Variants in THUMPD2 observed in about 807,000 individuals in gnomAD.
THUMPD2 encodes the protein THUMP domain 2 tRNA and snRNA guanosine methyltransferase, also known as U6 snRNA (guanine-N(2))-methyltransferase THUMPD2.
Under a neutral mutation model 49.4 loss-of-function variants are expected in THUMPD2, and 56 were observed. That is an observed-to-expected ratio of 1.13 (90% CI 0.91 to 1.41). THUMPD2 has a LOEUF of 1.41. THUMPD2 is among the 40% of genes most tolerant of loss of function. The pLI, the probability that THUMPD2 is intolerant of heterozygous loss-of-function variation, is 0.00. For synonymous variants in THUMPD2, 237 were observed against 205.2 expected, an observed-to-expected ratio of 1.15 and a Z score of -1.32; for missense variants, 709 against 594.5, an observed-to-expected ratio of 1.19 and a Z score of -2.00.
In THUMPD2 at chr2:39,755,880, A is replaced by T. The variant is rs770615335; in HGVS notation, c.963+9T>A. On this transcript the variant is annotated intron_variant, in intron 7 of 9. Coordinates refer to ENST00000505747, the MANE Select transcript of THUMPD2 (RefSeq NM_025264.5). Reference sequence around the variant, plus strand: ...TAAATTGCTTGCTTTACCAAACTTTAGAACTTACTGGCCATTCTTTAGCAG... The same window carrying T: ...TAAATTGCTTGCTTTACCAAACTTTTGAACTTACTGGCCATTCTTTAGCAG... 3 of 1,613,376 alleles carry T rather than the reference A, an allele frequency of 1.9e-6. No individual in the cohort carries two copies. The African/African-American group carries it at 4.0e-5, about 22-fold the overall frequency.
Position 39,755,956 on chromosome 2 carries a change from CCAG to C in THUMPD2, c.893_895del (p.Ala298del). On this transcript the variant is annotated inframe_deletion and splice_region_variant, in exon 7 of 10. Transcript: ENST00000505747. ...ACACATTGGATCTAAAACAAATGCACCAGCCTGCAGACAGAAATATTAATTTGG... is the reference window on the plus strand; with the variant it reads ...ACACATTGGATCTAAAACAAATGCACCCTGCAGACAGAAATATTAATTTGG... The C allele has an allele frequency of 6.2e-7, 1 of 1,613,622 alleles. No individual in the cohort carries two copies. Among genetic ancestry groups the C allele is most frequent in the African/African-American group, 1.3e-5 (1 of 75,008 alleles).
Position 39,736,821 on chromosome 2 carries a change from C to A in THUMPD2, c.1426G>T (p.Val476Leu), listed in dbSNP as rs1673140853. ...CTAACTTTGTAGCATTCCACTGGTA[C>A]CAAGGAGCCAAATGGTGACATTCTG... ...LDRMSPFGSL[V>L]PVECYKVSLG... Residue 476 changes from valine to leucine, a missense_variant, in exon 10 of 10, where the codon GTA becomes TTA. Coordinates refer to ENST00000505747, the MANE Select transcript of THUMPD2 (RefSeq NM_025264.5). 1 of 1,614,168 alleles carries A rather than the reference C, an allele frequency of 6.2e-7. No individual in the cohort carries two copies.
Position 39,769,819 on chromosome 2 carries a change from T to A in THUMPD2, c.563A>T (p.Glu188Val), listed in dbSNP as rs764475974. 5.6e-6 allele frequency: 9 copies of A among 1,598,274 alleles called. No homozygotes were observed. Among genetic ancestry groups the A allele is most frequent in the African/African-American group, 1.6e-5 (1 of 62,774 alleles). Residue 188 changes from glutamate (E) to valine (V), a missense_variant, in exon 3 of 10, where the codon GAA (glutamate) becomes GTA (valine). Coordinates refer to ENST00000505747, the MANE Select transcript of THUMPD2 (RefSeq NM_025264.5). ...TGCTTTCTCTATGTCATTCTGAAATTCTTCTTCTTGAAACTTTTCGCTTTT... is the reference window on the plus strand; with the variant it reads ...TGCTTTCTCTATGTCATTCTGAAATACTTCTTCTTGAAACTTTTCGCTTTT... ...TTKSEKFQEE[E>V]FQNDIEKAID...
intron 3 of THUMPD2, chr2:39,768,858 C>A: frequency 8.0e-7 from 1 of 1,250,546 alleles, no homozygotes; most frequent in South Asian, 1.3e-5. Flanking sequence ...CTACTATAAG[C>A]CTATGTGTTT....
chr2:39,746,100 T>A (rs983298671), intron 8 of THUMPD2, among the ~76,000 whole-genome samples: 4 of 152,228 alleles, frequency 2.6e-5, no homozygotes, highest in Admixed American at 2.6e-4. Context: ...CAGTAACCGT[T>A]AGCTGCTTTG....
intron 9 of THUMPD2, among the ~76,000 whole-genome samples, chr2:39,740,278 T>C (rs1432541357): frequency 1.3e-5 from 2 of 152,234 alleles, no homozygotes; most frequent in Admixed American, 6.5e-5. Context: ...ACTGGTTGCA[T>C]AATGGTACAT....
At chr2:39,760,060 T>A (rs1268978888) in intron 6 of THUMPD2, among the ~76,000 whole-genome samples, 1 of 152,214 alleles carries the variant, frequency 6.6e-6, no homozygotes, top group Non-Finnish European at 1.5e-5. Flanking sequence ...GAATTCTATC[T>A]AATGACTAAG....
At chr2:39,761,236 A>G in intron 6 of THUMPD2, 95 bp downstream of exon 6, 1 of 1,120,118 alleles carries the variant, frequency 8.9e-7, no homozygotes, top group Non-Finnish European at 1.3e-6. Context: ...AAGAAAAGAA[A>G]AAGCAAGTAA....
chr2:39,737,140 T>A, intron 9 of THUMPD2, 81 bp from the exon 10 acceptor site: 1 of 1,300,300 alleles, frequency 7.7e-7, no homozygotes, highest in Non-Finnish European at 1.0e-6. Flanking sequence ...AAATGGTTCA[T>A]GTTTTTAATT....
chr2:39,763,066 T>C (rs1438481481), intron 5 of THUMPD2, among the ~76,000 whole-genome samples: 2 of 151,886 alleles, frequency 1.3e-5, no homozygotes, highest in African/African-American at 4.8e-5. Flanking sequence ...CGTTCAGAAA[T>C]AAACTCCTTG....
In THUMPD2 at chr2:39,776,934, T is replaced by C. The variant is rs11891386; in HGVS notation, c.126+2180A>G. On this transcript the variant is annotated intron_variant, in intron 1 of 9. Coordinates refer to ENST00000505747, the MANE Select transcript of THUMPD2 (RefSeq NM_025264.5). ...CAACAAGCTTCCTCAGTGATTCTTA[T>C]GTTCATGAAAATTGGAAAAACACAT... Among the ~76,000 whole-genome samples, 798 of 152,350 alleles carry C rather than the reference T, an allele frequency of 5.2e-3. 10 individuals are homozygous for C. Among genetic ancestry groups the C allele is most frequent in the African/African-American group, 0.018 (755 of 41,580 alleles).
chr2:39,779,097 C>G lies in THUMPD2; in HGVS notation c.126+17G>C, dbSNP rs1390301136. ...AGGGCCGCCCACCTCCCCAGGCGCG[C>G]AGCGAGGCCAACTCACCTGCGTGGC... On this transcript the variant is annotated intron_variant, in intron 1 of 9. Transcript: ENST00000505747. The G allele has an allele frequency of 2.0e-6, 3 of 1,499,402 alleles. No homozygotes were observed. Among genetic ancestry groups the G allele is most frequent in the Non-Finnish European group, 2.7e-6 (3 of 1,131,040 alleles). 92.9% of individuals were successfully genotyped at this position (1,499,402 alleles called of 1,614,324 possible).
intron 1 of THUMPD2, among the ~76,000 whole-genome samples, chr2:39,776,590 C>G (rs1232886583): frequency 6.6e-6 from 1 of 152,020 alleles, no homozygotes; most frequent in African/African-American, 2.4e-5. Context: ...GGGGTTTCAC[C>G]ATGTTGTCCA....
Position 39,748,675 on chromosome 2 carries a change from A to G in THUMPD2, c.1079-4197T>C, listed in dbSNP as rs545649636. 1.0e-3 allele frequency among the ~76,000 whole-genome samples: 156 copies of G among 151,940 alleles called. 1 individual carries two copies. Among genetic ancestry groups the G allele is most frequent in the African/African-American group, 3.6e-3 (150 of 41,432 alleles). On this transcript the variant is annotated intron_variant, in intron 8 of 9. Transcript: ENST00000505747. ...TGCACTCCAGCCTGGCGACAGAGTG[A>G]GAGTCTGTCTCAAAAAAAAACAAAA...
chr2:39,750,525 G>T (rs934210541), intron 8 of THUMPD2, among the ~76,000 whole-genome samples: 4 of 152,144 alleles, frequency 2.6e-5, no homozygotes, highest in Non-Finnish European at 4.4e-5. Context: ...TGGGCAACAT[G>T]GCGAAACCTT....
At chr2:39,774,561 T>C (rs986801055) in intron 1 of THUMPD2, among the ~76,000 whole-genome samples, 36 of 152,196 alleles carry the variant, frequency 2.4e-4, no homozygotes, top group African/African-American at 8.2e-4. Context: ...GAGAATCAAA[T>C]AATCCTATCT....
intron 7 of THUMPD2, 52 bp from the exon 8 acceptor site, chr2:39,755,461 G>C: frequency 8.1e-7 from 1 of 1,239,374 alleles, no homozygotes; most frequent in African/African-American, 1.6e-5. Flanking sequence ...CATATTTCAT[G>C]TAGTTAAGAA....
chr2:39,747,031 A>G (rs1245332866), intron 8 of THUMPD2, among the ~76,000 whole-genome samples: 5 of 152,168 alleles, frequency 3.3e-5, no homozygotes, highest in African/African-American at 1.2e-4. Flanking sequence ...TTCTCAGCCA[A>G]TTAATCTCTT....
rs150425052 is a variant in THUMPD2 at position 39,768,062 on chromosome 2, TTTG to T, written c.750+359_750+361del. On this transcript the variant is annotated intron_variant, in intron 4 of 9. Coordinates refer to ENST00000505747, the MANE Select transcript of THUMPD2 (RefSeq NM_025264.5). ...CATACTATTGAATTTTGTGTAGGAC[TTTG>T]TTGTTATCCATTTTTTTAATATTAG... 4.3e-3 allele frequency among the ~76,000 whole-genome samples: 659 copies of T among 152,314 alleles called. 7 individuals carry two copies. Among genetic ancestry groups the T allele is most frequent in the African/African-American group, 0.015 (624 of 41,568 alleles).
Sources: allele counts gnomAD v4.1 joint callset (sites outside exome capture counted in the v4.1 genomes callset), GRCh38; gene constraint gnomAD v4.1.1; transcripts MANE v1.5; gene names NCBI Gene and HGNC (gene_info 2026-07-23, HGNC 2026-07-21).